The following PBX1 variants were observed in gnomAD, a reference collection of about 807,000 sequenced individuals.
PBX1 encodes the protein PBX homeobox 1.
A neutral mutation model predicts 53.4 loss-of-function variants in PBX1; 6 were observed. That is an observed-to-expected ratio of 0.11 (90% CI 0.06 to 0.22). The LOEUF (loss-of-function observed/expected upper bound fraction) is 0.22. PBX1 is among the 10% of genes least tolerant of loss of function. The pLI, the probability that PBX1 is intolerant of heterozygous loss-of-function variation, is 1.00. For missense variants in PBX1, 251 were observed against 551.4 expected (o/e 0.46, Z 5.46); for synonymous variants, 204 against 212.3 (o/e 0.96, Z 0.34).
In PBX1 at chr1:164,811,698, T is replaced by G. The variant is rs530776950; in HGVS notation, c.838-292T>G. 3.2e-4 allele frequency among the ~76,000 whole-genome samples: 48 copies of G among 152,236 alleles called. 1 individual carries two copies. The highest frequency in any genetic ancestry group is 6.2e-4 in the Non-Finnish European group (42 of 68,038). On this transcript the variant is annotated intron_variant, in intron 5 of 8. Transcript: ENST00000420696. ...ACTGAAGATGTAAGCAAATTTAAAA[T>G]GCTTGCTCTAAATTAAAAGGGTTCT...
chr1:164,716,729 C>CACAG (rs796685795), intron 2 of PBX1, among the ~76,000 whole-genome samples: 201 of 140,450 alleles, frequency 1.4e-3, no homozygotes, highest in African/African-American at 4.9e-3. Context: ...CACACACACA[C>CACAG]AGAAATACAC....
intron 2 of PBX1, among the ~76,000 whole-genome samples, chr1:164,651,682 CAG>C (rs748833929): frequency 2.0e-5 from 3 of 152,078 alleles, no homozygotes; most frequent in African/African-American, 7.2e-5. Flanking sequence ...GGGAATGAGA[CAG>C]AGAGGAGCCC....
At chr1:164,755,399 C>G (rs376747080) in intron 2 of PBX1, among the ~76,000 whole-genome samples, 1 of 152,104 alleles carries the variant, frequency 6.6e-6, no homozygotes. Context: ...TCCGCCCACC[C>G]TGGCCTCCCA....
intron 2 of PBX1, among the ~76,000 whole-genome samples, chr1:164,677,091 T>G (rs997747109): frequency 5.5e-4 from 16 of 29,236 alleles, no homozygotes; most frequent in Non-Finnish European, 1.0e-3. Flanking sequence ...ACATTTTTTT[T>G]TTTTTTTTTT....
At chr1:164,649,668 C>T (rs998677386) in intron 2 of PBX1, among the ~76,000 whole-genome samples, 2 of 152,158 alleles carry the variant, frequency 1.3e-5, no homozygotes, top group African/African-American at 2.4e-5. Flanking sequence ...CACATCCCTG[C>T]AGCATACTGT....
chr1:164,856,324 A>C (rs1671974508), downstream of PBX1, among the ~76,000 whole-genome samples: 1 of 152,020 alleles, frequency 6.6e-6, no homozygotes, highest in Non-Finnish European at 1.5e-5. Flanking sequence ...ATTGTTCCTC[A>C]AATCCTTTTC....
At chr1:164,843,607 A>G (rs575626623) in intron 8 of PBX1, among the ~76,000 whole-genome samples, 1 of 150,338 alleles carries the variant, frequency 6.7e-6, no homozygotes, top group Non-Finnish European at 1.5e-5. Context: ...TCTTTTAGCT[A>G]GAAGGTTTTA....
intron 2 of PBX1, among the ~76,000 whole-genome samples, chr1:164,734,760 C>T (rs1316117787): frequency 6.6e-6 from 1 of 151,992 alleles, no homozygotes; most frequent in African/African-American, 2.4e-5. Flanking sequence ...GCCTGGACAG[C>T]ATGCAAGGGG....
chr1:164,716,685 TAC>T (rs375539653), intron 2 of PBX1, among the ~76,000 whole-genome samples: 43,861 of 115,404 alleles, frequency 0.38, 8,025 homozygotes, highest in Middle Eastern at 0.48. Flanking sequence ...ATGTCATCTC[TAC>T]ACACACACAC....
chr1:164,807,730 CG>C, intron 5 of PBX1, 53 bp downstream of exon 5: 1 of 1,599,480 alleles, frequency 6.3e-7, no homozygotes, highest in East Asian at 2.2e-5. Context: ...GCGGGGCCTC[CG>C]GGGCAGGCTC....
intron 2 of PBX1, chr1:164,641,768 ACT>A (rs903898742): frequency 6.6e-6 from 1 of 152,074 alleles, no homozygotes; most frequent in African/African-American, 2.4e-5. Context: ...TATTGTATCC[ACT>A]CTCTCCAAAT....
intron 2 of PBX1, among the ~76,000 whole-genome samples, chr1:164,785,087 A>G (rs2102283572): frequency 6.6e-6 from 1 of 152,298 alleles, no homozygotes. Context: ...TCTCATCTGA[A>G]GAGGCCGCTC....
At chr1:164,722,130 A>C (rs982110317) in intron 2 of PBX1, among the ~76,000 whole-genome samples, 4 of 152,136 alleles carry the variant, frequency 2.6e-5, no homozygotes, top group African/African-American at 9.7e-5. Flanking sequence ...GATTATAGAT[A>C]TCTTCAGGGC....
At chr1:164,704,142 T>C (rs1420952214) in intron 2 of PBX1, among the ~76,000 whole-genome samples, 40 of 152,136 alleles carry the variant, frequency 2.6e-4, no homozygotes, top group Admixed American at 2.6e-3. Flanking sequence ...TAAAGTAGTC[T>C]TGCTTTCGCT....
chr1:164,645,507 AT>A (rs1659399674), intron 2 of PBX1, among the ~76,000 whole-genome samples: 1 of 151,314 alleles, frequency 6.6e-6, no homozygotes, highest in South Asian at 2.1e-4. Flanking sequence ...TGGCTGTTTG[AT>A]TTTAAGGCAG....
intron 2 of PBX1, among the ~76,000 whole-genome samples, chr1:164,585,559 T>C (rs893874964): frequency 4.6e-5 from 7 of 152,202 alleles, no homozygotes; most frequent in African/African-American, 1.7e-4. Flanking sequence ...AGTCAGGCAT[T>C]GAGAACCAGT....
intron 6 of PBX1, chr1:164,816,797 A>T (rs1669899771): frequency 6.6e-6 from 1 of 151,626 alleles, no homozygotes; most frequent in Admixed American, 6.6e-5. Flanking sequence ...TATTATTATT[A>T]TTATTATTTT....
chr1:164,814,030 C>T (rs1375517477), intron 6 of PBX1: 3 of 152,160 alleles, frequency 2.0e-5, no homozygotes, highest in African/African-American at 7.2e-5. Flanking sequence ...TGCACAGGAA[C>T]CCCTTTGTAG....
intron 2 of PBX1, among the ~76,000 whole-genome samples, chr1:164,656,343 A>G (rs1660161572): frequency 6.6e-6 from 1 of 152,198 alleles, no homozygotes; most frequent in Admixed American, 6.5e-5. Flanking sequence ...TCAAGTAAAC[A>G]ATAATTCAGG....
Sources: allele counts gnomAD v4.1 joint callset (sites outside exome capture counted in the v4.1 genomes callset), GRCh38; gene constraint gnomAD v4.1.1; transcripts MANE v1.5; gene names NCBI Gene and HGNC (gene_info 2026-07-23, HGNC 2026-07-21).